The following ZMAT4 variants were observed in gnomAD, a reference collection of about 807,000 sequenced individuals.
ZMAT4 encodes the protein zinc finger matrin-type 4.
In ZMAT4, 17 loss-of-function variants were observed where a neutral mutation model predicts 28.7. That is an observed-to-expected ratio of 0.59 (90% CI 0.41 to 0.89). The LOEUF (loss-of-function observed/expected upper bound fraction) is 0.89, where lower values mean the gene tolerates loss of function less well. Ranked by LOEUF, ZMAT4 falls within the 40% of genes least tolerant of loss-of-function variation. The probability of loss-of-function intolerance (pLI) is 0.00; values close to 1 mark genes in which losing one functional copy is unlikely to be tolerated. For synonymous variants in ZMAT4, 117 were observed against 109.2 expected, an observed-to-expected ratio of 1.07 and a Z score of -0.44; for missense variants, 240 against 283.8, an observed-to-expected ratio of 0.85 and a Z score of 1.11.
At chr8:40,543,345 C>T (rs1309676876) in intron 6 of ZMAT4, among the ~76,000 whole-genome samples, 2 of 152,130 alleles carry the variant, frequency 1.3e-5, no homozygotes, top group East Asian at 1.9e-4. Flanking sequence ...CAGGTCTGGA[C>T]GAATACAAAG....
chr8:40,762,033 A>G (rs113418811), intron 3 of ZMAT4, among the ~76,000 whole-genome samples: 3 of 152,346 alleles, frequency 2.0e-5, no homozygotes, highest in African/African-American at 7.2e-5. Flanking sequence ...CCAAACACAC[A>G]GCACTTGTTG....
rs182413209 is a variant in ZMAT4, at chr8:40,871,415, G to A, written c.-5+26268C>T. Among the ~76,000 whole-genome samples the A allele has an allele frequency of 1.5e-3, 229 of 152,154 alleles. 1 individual carries two copies. The highest frequency in any genetic ancestry group is 5.4e-3 in the African/African-American group (223 of 41,510). The stretch of plus-strand genomic sequence containing the variant: ...AGTCCAAAGGGATGTGGAGAAAATA[G>A]ACACAATAAGGCTGAACTTCAGGCA... On this transcript the variant is annotated intron_variant, in intron 1 of 6. Transcript: ENST00000297737.
chr8:40,859,720 A>G (rs1817424445), intron 1 of ZMAT4, among the ~76,000 whole-genome samples: 1 of 152,086 alleles, frequency 6.6e-6, no homozygotes, highest in South Asian at 2.1e-4. Flanking sequence ...AATGTAAATT[A>G]CCCTGCAGTA....
At chr8:40,824,164 T>C (rs1815933606) in intron 2 of ZMAT4, among the ~76,000 whole-genome samples, 1 of 152,244 alleles carries the variant, frequency 6.6e-6, no homozygotes, top group Admixed American at 6.5e-5. Context: ...ACAACTGGCA[T>C]TTGTCAGACT....
intron 1 of ZMAT4, among the ~76,000 whole-genome samples, chr8:40,892,295 C>T (rs1818722971): frequency 6.6e-6 from 1 of 152,178 alleles, no homozygotes; most frequent in African/African-American, 2.4e-5. Flanking sequence ...CTCTTCTCAT[C>T]CTCTTCTGGT....
At chr8:40,658,350 CTT>C (rs763612248) in intron 5 of ZMAT4, among the ~76,000 whole-genome samples, 2 of 152,030 alleles carry the variant, frequency 1.3e-5, no homozygotes, top group Non-Finnish European at 2.9e-5. Flanking sequence ...ATTGTATAAA[CTT>C]TGGATTCTCT....
rs188788785 is a variant in ZMAT4, at chr8:40,607,366, C to T, written c.578-26105G>A. Among the ~76,000 whole-genome samples the T allele has an allele frequency of 1.3e-3, 202 of 152,056 alleles. 1 individual carries two copies. The highest frequency in any genetic ancestry group is 4.7e-3 in the African/African-American group (196 of 41,474). ...CAGGATGGTCTCGATCTCCTGACCT[C>T]GTGATCTGCCCACTCAGCCTCCCAA... On this transcript the variant is annotated intron_variant, in intron 5 of 6. Coordinates refer to ENST00000297737, the MANE Select transcript of ZMAT4 (RefSeq NM_024645.3).
chr8:40,654,542 A>G (rs1309210864), intron 5 of ZMAT4, among the ~76,000 whole-genome samples: 1 of 152,182 alleles, frequency 6.6e-6, no homozygotes, highest in Non-Finnish European at 1.5e-5. Context: ...TTTCTAATAA[A>G]AATAGACATC....
chr8:40,866,686 T>G (rs1243298749), intron 1 of ZMAT4, among the ~76,000 whole-genome samples: 1 of 152,146 alleles, frequency 6.6e-6, no homozygotes, highest in Non-Finnish European at 1.5e-5. Context: ...TGCAACCAAA[T>G]GCAAGAGGGA....
intron 5 of ZMAT4, among the ~76,000 whole-genome samples, chr8:40,648,294 C>A (rs533555555): frequency 6.6e-6 from 1 of 151,018 alleles, no homozygotes; most frequent in Non-Finnish European, 1.5e-5. Flanking sequence ...CCTCAGGAGC[C>A]GATGCGATCA....
intron 2 of ZMAT4, among the ~76,000 whole-genome samples, chr8:40,799,607 TA>T (rs1332844274): frequency 6.6e-6 from 1 of 151,916 alleles, no homozygotes; most frequent in Non-Finnish European, 1.5e-5. Flanking sequence ...TAAAGGAAAA[TA>T]AAAAAGGTCA....
chr8:40,756,126 G>T (rs1488164857), intron 3 of ZMAT4, among the ~76,000 whole-genome samples: 1 of 152,038 alleles, frequency 6.6e-6, no homozygotes, highest in South Asian at 2.1e-4. Flanking sequence ...TACTTTGAGT[G>T]GGGGAAGATA....
chr8:40,698,629 T>C (rs1321559594), intron 3 of ZMAT4, among the ~76,000 whole-genome samples: 1 of 152,188 alleles, frequency 6.6e-6, no homozygotes, highest in Non-Finnish European at 1.5e-5. Context: ...AATTACATAT[T>C]TTATCTGCAT....
chr8:40,548,857 G>A (rs899271180), intron 6 of ZMAT4, among the ~76,000 whole-genome samples: 21 of 152,226 alleles, frequency 1.4e-4, no homozygotes, highest in African/African-American at 4.6e-4. Flanking sequence ...ATTTATGGCC[G>A]TTCTTCTCTT....
intron 2 of ZMAT4, among the ~76,000 whole-genome samples, chr8:40,808,035 A>G (rs1361204821): frequency 6.6e-6 from 1 of 152,196 alleles, no homozygotes; most frequent in Non-Finnish European, 1.5e-5. Context: ...ACACAATCAG[A>G]TTGAAACACT....
intron 1 of ZMAT4, among the ~76,000 whole-genome samples, chr8:40,897,143 A>AC (rs1252683405): frequency 7.0e-6 from 1 of 143,386 alleles, no homozygotes; most frequent in Admixed American, 6.9e-5. Context: ...TCACCCACCC[A>AC]CCCCGGGGAA....
At chr8:40,842,490 C>T (rs376997350) in intron 1 of ZMAT4, among the ~76,000 whole-genome samples, 2 of 152,118 alleles carry the variant, frequency 1.3e-5, no homozygotes, top group Admixed American at 6.5e-5. Context: ...GACAGAATTC[C>T]GGATTTCACA....
rs143317177 is a variant in ZMAT4 at position 40,860,439 on chromosome 8, C to A, written c.-4-34759G>T. On this transcript the variant is annotated intron_variant, in intron 1 of 6. Transcript: ENST00000297737. ...CATTTATCCAATATCATCTTAGGTC[C>A]TTCAGAGAATATAATATTCCTTTTC... Among the ~76,000 whole-genome samples, 505 of 152,300 alleles carry A rather than the reference C, an allele frequency of 3.3e-3. 3 individuals are homozygous for A. The highest frequency in any genetic ancestry group is 4.4e-3 in the Non-Finnish European group (298 of 68,028).
At chr8:40,681,635 T>A (rs746858932) in intron 4 of ZMAT4, among the ~76,000 whole-genome samples, 16 of 152,222 alleles carry the variant, frequency 1.1e-4, no homozygotes, top group Non-Finnish European at 1.8e-4. Flanking sequence ...GGCAGAGGCA[T>A]GGGCCTTTTG....
Sources: allele counts gnomAD v4.1 joint callset (sites outside exome capture counted in the v4.1 genomes callset), GRCh38; gene constraint gnomAD v4.1.1; transcripts MANE v1.5; gene names NCBI Gene and HGNC (gene_info 2026-07-23, HGNC 2026-07-21).